The following METTL24 variants were observed in gnomAD, a reference collection of about 807,000 sequenced individuals.
METTL24 encodes probable methyltransferase-like protein 24.
Under a neutral mutation model 32.7 loss-of-function variants are expected in METTL24, and 29 were observed. The ratio of observed to expected loss-of-function variants is 0.89; its 90% CI spans 0.66 to 1.21. METTL24 has a LOEUF of 1.21. Ranked by LOEUF, METTL24 falls within the 50% of genes most tolerant of loss-of-function variation. The pLI, the probability that METTL24 is intolerant of heterozygous loss-of-function variation, is 0.00. For missense variants in METTL24, 439 were observed against 468.1 expected (o/e 0.94, Z 0.57); for synonymous variants, 163 against 179.5 (o/e 0.91, Z 0.73).
chr6:110,284,130 G>A (rs1771181287), intron 4 of METTL24, among the ~76,000 whole-genome samples: 1 of 152,156 alleles, frequency 6.6e-6, no homozygotes, highest in African/African-American at 2.4e-5. Context: ...AAAATAATGT[G>A]TGATTCCACT....
At chr6:110,296,570 T>A (rs1221062807) in intron 4 of METTL24, among the ~76,000 whole-genome samples, 4 of 152,346 alleles carry the variant, frequency 2.6e-5, no homozygotes, top group African/African-American at 9.6e-5. Context: ...TGTCACTATC[T>A]CAGAATACTG....
intron 1 of METTL24, chr6:110,332,657 TAG>T (rs1471309793): frequency 5.5e-6 from 1 of 181,378 alleles, no homozygotes; most frequent in African/African-American, 2.4e-5. Flanking sequence ...CCTGTAATCC[TAG>T]AGTTTTGGGA....
chr6:110,258,405 A>AT (rs1332876984), intron 4 of METTL24, among the ~76,000 whole-genome samples: 1 of 152,222 alleles, frequency 6.6e-6, no homozygotes, highest in Non-Finnish European at 1.5e-5. Flanking sequence ...AGAGGTATAT[A>AT]TTCCTTATGC....
intron 1 of METTL24, among the ~76,000 whole-genome samples, chr6:110,346,913 T>C (rs575853928): frequency 5.4e-4 from 82 of 152,226 alleles, no homozygotes; most frequent in Non-Finnish European, 8.8e-4. Context: ...CATCGTTATA[T>C]GTAAATACAT....
At chr6:110,267,927 G>A (rs1244094865) in intron 4 of METTL24, among the ~76,000 whole-genome samples, 1 of 152,112 alleles carries the variant, frequency 6.6e-6, no homozygotes, top group Non-Finnish European at 1.5e-5. Flanking sequence ...TGTGAACTCA[G>A]TAAGAACTCA....
Position 110,245,635 on chromosome 6 carries a change from T to C in METTL24, c.*311A>G, listed in dbSNP as rs1402108681. The stretch of plus-strand genomic sequence containing the variant: ...GGAAATTTATATAATTTCATTTCAA[T>C]GTTGGTGAATTCATAGATTATAGAT... On this transcript the variant is annotated 3_prime_UTR_variant, in exon 5 of 5. Transcript: ENST00000338882. 6.6e-6 allele frequency among the ~76,000 whole-genome samples: 1 copy of C among 152,198 alleles called. No individual in the cohort carries two copies. The highest frequency in any genetic ancestry group is 1.5e-5 in the Non-Finnish European group (1 of 68,040).
At chr6:110,334,597 G>A (rs1371848844) in intron 1 of METTL24, among the ~76,000 whole-genome samples, 2 of 152,198 alleles carry the variant, frequency 1.3e-5, no homozygotes, top group African/African-American at 2.4e-5. Context: ...AGGCCCAGGG[G>A]TTGGGGGATG....
rs866004863 is a variant in METTL24, at chr6:110,302,482, T to C, written c.558-3332A>G. Among the ~76,000 whole-genome samples the C allele has an allele frequency of 7.8e-4, 56 of 71,896 alleles. 2 individuals carry two copies. The highest frequency in any genetic ancestry group is 3.4e-3 in the East Asian group (8 of 2,352). The allele number at this position is 71,896 out of a possible 152,430, so 47.2% of individuals were successfully genotyped here. ...ACACATATGTGTATATATACACATA[T>C]ACACACATATGTGTATATATACACA... On this transcript the variant is annotated intron_variant, in intron 3 of 4. Transcript: ENST00000338882.
At position 110,325,217 on chromosome 6, in the gene METTL24, A is replaced by G. The variant is rs867906230; in HGVS notation, c.319-2345T>C. 1.1e-4 allele frequency among the ~76,000 whole-genome samples: 17 copies of G among 152,282 alleles called. No homozygotes were observed. The Middle Eastern group carries it at 0.014, about 122-fold the overall frequency. On this transcript the variant is annotated intron_variant, in intron 1 of 4. Transcript: ENST00000338882. The stretch of plus-strand genomic sequence containing the variant: ...GAGCATCTGGCCCAGGAGTCCCTGG[A>G]TGAAAATGATGAAGTTCACATGTTA...
intron 1 of METTL24, among the ~76,000 whole-genome samples, chr6:110,349,731 C>T (rs1217429599): frequency 6.6e-6 from 1 of 152,174 alleles, no homozygotes; most frequent in Non-Finnish European, 1.5e-5. Flanking sequence ...ATTAAATAGA[C>T]CTAAGCAAAA....
At chr6:110,295,039 T>TTGG (rs1469455137) in intron 4 of METTL24, among the ~76,000 whole-genome samples, 1 of 138,326 alleles carries the variant, frequency 7.2e-6, no homozygotes, top group African/African-American at 3.0e-5. Flanking sequence ...TTTTTTTTTT[T>TTGG]GAGAGAGGGG....
intron 2 of METTL24, among the ~76,000 whole-genome samples, chr6:110,318,198 T>C (rs1771860836): frequency 6.6e-6 from 1 of 152,234 alleles, no homozygotes; most frequent in African/African-American, 2.4e-5. Flanking sequence ...AGTCAGGAAC[T>C]AGGGTTTTAT....
chr6:110,276,956 G>T (rs1341668184), intron 4 of METTL24, among the ~76,000 whole-genome samples: 2 of 152,164 alleles, frequency 1.3e-5, no homozygotes, highest in East Asian at 1.9e-4. Flanking sequence ...GAACCACATA[G>T]AAGCTGCCAC....
rs577514880 is a variant in METTL24 at position 110,288,795 on chromosome 6, G to T, written c.786+10127C>A. On this transcript the variant is annotated intron_variant, in intron 4 of 4. Transcript: ENST00000338882. ...CTTAAAGTAGGTGGCAGTGGTGCTG[G>T]GTGTGCATCTCCTACAGGACATAGG... 2.0e-5 allele frequency among the ~76,000 whole-genome samples: 3 copies of T among 152,200 alleles called. No individual in the cohort carries two copies. In the South Asian group the frequency reaches 6.2e-4, roughly 32 times the overall value.
At chr6:110,285,050 T>C (rs2114720261) in intron 4 of METTL24, among the ~76,000 whole-genome samples, 1 of 152,372 alleles carries the variant, frequency 6.6e-6, no homozygotes, top group Non-Finnish European at 1.5e-5. Flanking sequence ...TTTCTGACTC[T>C]GAAGTGCAGG....
chr6:110,262,030 G>C (rs1427485439), intron 4 of METTL24, among the ~76,000 whole-genome samples: 2 of 152,096 alleles, frequency 1.3e-5, no homozygotes, highest in African/African-American at 4.8e-5. Context: ...ATCTAAAATT[G>C]ACACCCTAAC....
At chr6:110,266,661 T>A (rs1277853658) in intron 4 of METTL24, among the ~76,000 whole-genome samples, 2 of 152,162 alleles carry the variant, frequency 1.3e-5, no homozygotes, top group Admixed American at 6.6e-5. Flanking sequence ...AAAATCATAC[T>A]TGGTCACTTC....
At chr6:110,306,289 A>T (rs1210286644) in intron 3 of METTL24, among the ~76,000 whole-genome samples, 1 of 152,102 alleles carries the variant, frequency 6.6e-6, no homozygotes, top group African/African-American at 2.4e-5. Context: ...CATGTGTCCC[A>T]GAACTTAAAG....
chr6:110,351,401 A>C (rs1772600116), intron 1 of METTL24, among the ~76,000 whole-genome samples: 1 of 152,174 alleles, frequency 6.6e-6, no homozygotes, highest in Non-Finnish European at 1.5e-5. Flanking sequence ...AGATAGAGAA[A>C]TAGTTAATGT....
Sources: allele counts gnomAD v4.1 joint callset (sites outside exome capture counted in the v4.1 genomes callset), GRCh38; gene constraint gnomAD v4.1.1; transcripts MANE v1.5; gene names NCBI Gene and HGNC (gene_info 2026-07-23, HGNC 2026-07-21).